SEMA7A: variants seen among roughly 807,000 people sequenced by gnomAD.
SEMA7A encodes the protein semaphorin 7A (JohnMiltonHagen blood group), also known as semaphorin-7A.
Under a neutral mutation model 67.5 loss-of-function variants are expected in SEMA7A, and 21 were observed. The observed-to-expected ratio is 0.31, with a 90% CI of 0.22 to 0.45. The LOEUF (loss-of-function observed/expected upper bound fraction) is 0.45. Ranked by LOEUF, SEMA7A falls within the 20% of genes least tolerant of loss-of-function variation. The pLI, the probability that SEMA7A is intolerant of heterozygous loss-of-function variation, is 1.00. For synonymous variants in SEMA7A, 364 were observed against 368.5 expected (o/e 0.99, Z 0.14); for missense variants, 774 against 908.6 (o/e 0.85, Z 1.90).
intron 1 of SEMA7A, among the ~76,000 whole-genome samples, chr15:74,421,211 T>G (rs2060997639): frequency 6.6e-6 from 1 of 152,124 alleles, no homozygotes; most frequent in South Asian, 2.1e-4. Flanking sequence ...GGTCTGGCCC[T>G]ACCCTGGGAA....
chr15:74,416,401 CCA>C (rs1020278792), intron 7 of SEMA7A, among the ~76,000 whole-genome samples, 172 bp downstream of exon 7: 2 of 152,106 alleles, frequency 1.3e-5, no homozygotes, highest in Admixed American at 1.3e-4. Context: ...CCACCTTTAC[CCA>C]CACACAGACA....
rs1446788863 is a variant in SEMA7A, at chr15:74,410,443, C to T, written c.*181G>A. The T allele has an allele frequency of 1.0e-5, 9 of 859,594 alleles. No individual in the cohort carries two copies. The East Asian group carries it at 1.9e-4, about 18-fold the overall frequency. 53.2% of individuals were successfully genotyped at this position (859,594 alleles called of 1,614,324 possible). On this transcript the variant is annotated 3_prime_UTR_variant, in exon 14 of 14. Coordinates refer to ENST00000261918, the MANE Select transcript of SEMA7A (RefSeq NM_003612.5). The surrounding 1 kb of genome is among the most constrained non-coding windows in gnomAD (Gnocchi z 7.5). ...TCTCAGCCCCTCACCATCCGTGCGC[C>T]ACCTGGGGCCCAGCAGCCGCCTGCG...
intron 10 of SEMA7A, among the ~76,000 whole-genome samples, chr15:74,412,970 G>C (rs1368333064): frequency 6.6e-6 from 1 of 152,140 alleles, no homozygotes; most frequent in Admixed American, 6.6e-5. Flanking sequence ...CCTGACCCCT[G>C]GTCCTCCCAA....
intron 6 of SEMA7A, among the ~76,000 whole-genome samples, chr15:74,416,961 G>A (rs1478447144): frequency 6.6e-6 from 1 of 152,206 alleles, no homozygotes; most frequent in African/African-American, 2.4e-5. Context: ...CATGCCTGGG[G>A]ACTGGGGGAA....
In SEMA7A at chr15:74,423,709, C is replaced by A. The variant is rs2061019057; in HGVS notation, c.179-4757G>T. Among the ~76,000 whole-genome samples, 1 of 152,174 alleles carries A rather than the reference C, an allele frequency of 6.6e-6. No homozygotes were observed. The highest frequency in any genetic ancestry group is 1.5e-5 in the Non-Finnish European group (1 of 68,040). ...CCTTTAGTGATCAAAGCCTTAAATC[C>A]AAAGGAGTGACTAATGGTGGAAGTG... On this transcript the variant is annotated intron_variant, in intron 1 of 13. Coordinates refer to ENST00000261918, the MANE Select transcript of SEMA7A (RefSeq NM_003612.5). This position sits in a 1 kb window ranked among gnomAD's most constrained non-coding sequence, Gnocchi z 4.1.
intron 1 of SEMA7A, among the ~76,000 whole-genome samples, chr15:74,432,102 T>TG (rs1162746104): frequency 6.4e-5 from 1 of 15,526 alleles, no homozygotes; most frequent in Non-Finnish European, 1.3e-4. Flanking sequence ...GGGGTGGGGG[T>TG]GGGGGGTCAT....
chr15:74,415,527 C>T (rs760299699), intron 8 of SEMA7A, among the ~76,000 whole-genome samples: 1 of 152,138 alleles, frequency 6.6e-6, no homozygotes, highest in Non-Finnish European at 1.5e-5. Context: ...CCACTCTCGG[C>T]ACAAGCAGGT....
intron 1 of SEMA7A, among the ~76,000 whole-genome samples, chr15:74,428,266 G>C (rs1041744170): frequency 5.3e-5 from 8 of 152,224 alleles, no homozygotes; most frequent in African/African-American, 1.9e-4. Context: ...TAGCAGAGGA[G>C]GAAAGGCACT....
chr15:74,432,419 C>G (rs1483873216), intron 1 of SEMA7A, among the ~76,000 whole-genome samples: 1 of 152,096 alleles, frequency 6.6e-6, no homozygotes, highest in Non-Finnish European at 1.5e-5. Flanking sequence ...CCCCAGAGCA[C>G]CTCATTCATG....
chr15:74,410,908 C>A lies in SEMA7A; in HGVS notation c.1717G>T (p.Ala573Ser). The A allele has an allele frequency of 6.2e-7, 1 of 1,614,114 alleles. No individual in the cohort carries two copies. Among genetic ancestry groups the A allele is most frequent in the Non-Finnish European group, 8.5e-7 (1 of 1,180,028 alleles). Residue 573 changes from alanine (A) to serine (S), a missense_variant, in exon 14 of 14, where the codon GCC becomes TCC. Coordinates refer to ENST00000261918, the MANE Select transcript of SEMA7A (RefSeq NM_003612.5). This position sits in a 1 kb window ranked among gnomAD's most constrained non-coding sequence, Gnocchi z 7.5. The stretch of plus-strand genomic sequence containing the variant: ...TCCTTGTGGCGCCATGAGTAGGTGG[C>A]GTGGCGGGATTCCATGGGGCAGCTC... Reference protein sequence around the residue: ...YLSCPMESRHATYSWRHKENV... With the variant: ...YLSCPMESRHSTYSWRHKENV...
In SEMA7A at chr15:74,414,774, T is replaced by TG. The variant is rs2060931769; in HGVS notation, c.1096-30dup. ...GGCAAGGAGAGCAGGCCCAGGTCAG[T>TG]GGGGTGGTGGGAGGTGAGGCAGAAG... On this transcript the variant is annotated intron_variant, in intron 9 of 13. Transcript: ENST00000261918. The surrounding 1 kb of genome is among the most constrained non-coding windows in gnomAD (Gnocchi z 4.1). The TG allele has an allele frequency of 6.2e-7, 1 of 1,613,766 alleles. No individual in the cohort carries two copies. Among genetic ancestry groups the TG allele is most frequent in the Non-Finnish European group, 8.5e-7 (1 of 1,179,874 alleles).
chr15:74,433,296 T>G (rs1484987778), intron 1 of SEMA7A, among the ~76,000 whole-genome samples: 1 of 149,330 alleles, frequency 6.7e-6, no homozygotes, highest in Non-Finnish European at 1.5e-5. Flanking sequence ...CGCGCCCCCC[T>G]TGCCGGCCCA....
At chr15:74,420,605 C>T (rs1567075500) in intron 1 of SEMA7A, among the ~76,000 whole-genome samples, 1 of 152,250 alleles carries the variant, frequency 6.6e-6, no homozygotes, top group Non-Finnish European at 1.5e-5. Context: ...ACTGGCACTT[C>T]GGTGGGAGGG....
chr15:74,419,162 G>C (rs1596193470), intron 1 of SEMA7A, among the ~76,000 whole-genome samples: 1 of 152,282 alleles, frequency 6.6e-6, no homozygotes, highest in African/African-American at 2.4e-5. Context: ...GCAACCAGCT[G>C]TCCTCACCCA....
At chr15:74,421,756 G>C (rs149462234) in intron 1 of SEMA7A, among the ~76,000 whole-genome samples, 6 of 152,172 alleles carry the variant, frequency 3.9e-5, no homozygotes, top group African/African-American at 9.7e-5. Flanking sequence ...TGGCAGGAGC[G>C]GGGGCTGGGG....
At chr15:74,419,134 A>ATCC (rs1011340694) in intron 1 of SEMA7A, among the ~76,000 whole-genome samples, 182 bp from the exon 2 acceptor site, 25 of 152,102 alleles carry the variant, frequency 1.6e-4, no homozygotes, top group Non-Finnish European at 2.9e-4. Context: ...GAAGTAAGAG[A>ATCC]TCCTCCGGTG....
chr15:74,423,261 G>A lies in SEMA7A; in HGVS notation c.179-4309C>T, dbSNP rs28362891. ...CTACCTCACACCCTCGCCCAACTAC[G>A]TGTCTGGAAAAGAGAGTAGAGGGAA... On this transcript the variant is annotated intron_variant, in intron 1 of 13. Transcript: ENST00000261918. This position sits in a 1 kb window ranked among gnomAD's most constrained non-coding sequence, Gnocchi z 4.1. Among the ~76,000 whole-genome samples, 7,101 of 152,244 alleles carry A rather than the reference G, an allele frequency of 0.047. 234 individuals carry two copies. The highest frequency in any genetic ancestry group is 0.083 in the South Asian group (400 of 4,820).
Position 74,418,291 on chromosome 15 carries a change from T to G in SEMA7A, c.349A>C (p.Lys117Gln), listed in dbSNP as rs2060970102. The G allele has an allele frequency of 6.2e-7, 1 of 1,611,548 alleles. No individual in the cohort carries two copies. Among genetic ancestry groups the G allele is most frequent in the East Asian group, 2.2e-5 (1 of 44,858 alleles). ...ACCCGCTTATCCAGACAGGACCCCT[T>G]TGTGGAGCCGATATTCACCTGGGGG... ...SVRTVNIGST[K>Q]GSCLDKRDCE... Residue 117 changes from lysine to glutamine, a missense_variant, in exon 3 of 14, where the codon AAG (lysine) becomes CAG (glutamine). Around this residue, in one of 2 missense-constraint regions of SEMA7A, gnomAD observed 347 missense variants for 353.2 expected, o/e 0.98. Transcript: ENST00000261918.
At chr15:74,433,330 A>G (rs1278564766) in intron 1 of SEMA7A, among the ~76,000 whole-genome samples, 2 of 151,594 alleles carry the variant, frequency 1.3e-5, no homozygotes, top group African/African-American at 4.8e-5. Flanking sequence ...GCGCCAGCAG[A>G]GCCCGCAGCT....
Sources: allele counts gnomAD v4.1 joint callset (sites outside exome capture counted in the v4.1 genomes callset), GRCh38; gene constraint gnomAD v4.1.1; regional missense constraint gnomAD v4.1.1; non-coding constraint Gnocchi (gnomAD v3.1); transcripts MANE v1.5; gene names NCBI Gene and HGNC (gene_info 2026-07-23, HGNC 2026-07-21).